Variants in PCBD2 observed in about 807,000 individuals in gnomAD.
PCBD2 encodes pterin-4-alpha-carbinolamine dehydratase 2.
A neutral mutation model predicts 16.4 loss-of-function variants in PCBD2; 12 were observed. That is an observed-to-expected ratio of 0.73 (90% CI 0.47 to 1.19). PCBD2 has a LOEUF of 1.19. PCBD2 is among the 50% of genes most tolerant of loss of function. The pLI, the probability that PCBD2 is intolerant of heterozygous loss-of-function variation, is 0.00. For missense variants in PCBD2, 138 were observed against 156.8 expected, an observed-to-expected ratio of 0.88 and a Z score of 0.64; for synonymous variants, 58 against 61.8, an observed-to-expected ratio of 0.94 and a Z score of 0.29.
At chr5:134,949,502 A>G (rs1393474521) in intron 2 of PCBD2, among the ~76,000 whole-genome samples, 2 of 152,236 alleles carry the variant, frequency 1.3e-5, no homozygotes, top group Non-Finnish European at 2.9e-5. Flanking sequence ...TTCTGAGGTC[A>G]TATAGCTAGT....
rs897572147 is a variant in PCBD2, at chr5:134,910,614, CTTG to C, written c.216+152_216+154del. 7 of 1,070,970 alleles carry C rather than the reference CTTG, an allele frequency of 6.5e-6. No homozygotes were observed. In the African/African-American group the frequency reaches 1.1e-4, roughly 17 times the overall value. The allele number at this position is 1,070,970 out of a possible 1,614,324, so 66.3% of individuals were successfully genotyped here. ...AAGAATTCAGTGATAGAGTGACATC[CTTG>C]TTGACAGTTGCTACCACCCACCTGG... On this transcript the variant is annotated intron_variant, in intron 2 of 3. Transcript: ENST00000254908.
At position 134,960,728 on chromosome 5, in the gene PCBD2, T is replaced by C. The variant is rs982136007; in HGVS notation, c.*47T>C. The C allele has an allele frequency of 1.5e-5, 22 of 1,424,750 alleles. No individual in the cohort carries two copies. Among genetic ancestry groups the C allele is most frequent in the Non-Finnish European group, 2.1e-5 (21 of 1,015,342 alleles). 88.3% of individuals were successfully genotyped at this position (1,424,750 alleles called of 1,614,324 possible). On this transcript the variant is annotated 3_prime_UTR_variant, in exon 4 of 4. Coordinates refer to ENST00000254908, the MANE Select transcript of PCBD2 (RefSeq NM_032151.5). ...AATCTTGTACACATCTTAGCTGCAATGTATGTTGAAGGAAATTTATGTGAA... is the reference window on the plus strand; with the variant it reads ...AATCTTGTACACATCTTAGCTGCAACGTATGTTGAAGGAAATTTATGTGAA...
intron 1 of PCBD2, among the ~76,000 whole-genome samples, chr5:134,909,203 C>G (rs1750734688): frequency 6.6e-6 from 1 of 152,220 alleles, no homozygotes; most frequent in Non-Finnish European, 1.5e-5. Flanking sequence ...CCAGACAGTG[C>G]ACACAAGTGC....
intron 2 of PCBD2, among the ~76,000 whole-genome samples, chr5:134,948,001 A>C (rs113113129): frequency 2.2e-4 from 34 of 152,336 alleles, no homozygotes; most frequent in African/African-American, 8.2e-4. Context: ...GCTGATTGGC[A>C]ATAATGAACA....
At chr5:134,920,664 T>C (rs1750892163) in intron 2 of PCBD2, among the ~76,000 whole-genome samples, 1 of 152,080 alleles carries the variant, frequency 6.6e-6, no homozygotes, top group Non-Finnish European at 1.5e-5. Flanking sequence ...GGAGGCTTTT[T>C]TTTTTTTTTG....
chr5:134,938,315 C>T (rs1751185413), intron 2 of PCBD2, among the ~76,000 whole-genome samples: 1 of 152,226 alleles, frequency 6.6e-6, no homozygotes, highest in African/African-American at 2.4e-5. Context: ...ACTTGCCTCT[C>T]ATGCCTCTTT....
intron 2 of PCBD2, chr5:134,923,581 C>T (rs542445689): frequency 3.3e-5 from 11 of 333,264 alleles, no homozygotes; most frequent in Non-Finnish European, 4.9e-5. Context: ...AGATCTGTTC[C>T]GATGTATGGG....
intron 2 of PCBD2, among the ~76,000 whole-genome samples, chr5:134,955,733 T>C (rs1337679296): frequency 6.6e-6 from 1 of 152,236 alleles, no homozygotes; most frequent in Non-Finnish European, 1.5e-5. Flanking sequence ...CTTGGGTCTC[T>C]TACTGGGTTG....
rs770064476 is a variant in PCBD2 at position 134,959,059 on chromosome 5, G to A, written c.236G>A (p.Arg79Gln). ...ATGCAGGCATTTGGCTTTATGTCCCGAGTTGCCCTACAAGCAGAGAAGATG... is the reference window on the plus strand; with the variant it reads ...ATGCAGGCATTTGGCTTTATGTCCCAAGTTGCCCTACAAGCAGAGAAGATG... ...NFNQAFGFMS[R>Q]VALQAEKMNH... The change falls in exon 3 of 4, where the codon CGA becomes CAA. Residue 79 changes from arginine (R) to glutamine (Q), a missense_variant. Physicochemically the swap from Arg to Gln is conservative, Grantham distance 43 (BLOSUM62 1). Transcript: ENST00000254908. 3 of 1,613,808 alleles carry A rather than the reference G, an allele frequency of 1.9e-6. No homozygotes were observed. The highest frequency in any genetic ancestry group is 3.3e-5 in the Admixed American group (2 of 59,978).
intron 2 of PCBD2, among the ~76,000 whole-genome samples, chr5:134,911,888 C>G (rs1473198124): frequency 6.6e-6 from 1 of 152,230 alleles, no homozygotes; most frequent in Admixed American, 6.5e-5. Context: ...CCCATTGGTA[C>G]AGTAAGCCTG....
chr5:134,930,554 C>T (rs541836581), intron 2 of PCBD2, among the ~76,000 whole-genome samples: 1 of 152,312 alleles, frequency 6.6e-6, no homozygotes, highest in African/African-American at 2.4e-5. Flanking sequence ...CTTCCCAGAA[C>T]AGCAGCATTG....
At position 134,959,714 on chromosome 5, in the gene PCBD2, C is replaced by A. The variant is rs75729520; in HGVS notation, c.297+594C>A. ...GAAAATCTTTGAAAAAAGAGAATTT[C>A]ACAATACTCACGTGACTTAATAGAA... On this transcript the variant is annotated intron_variant, in intron 3 of 3. Coordinates refer to ENST00000254908, the MANE Select transcript of PCBD2 (RefSeq NM_032151.5). 3.4e-3 allele frequency among the ~76,000 whole-genome samples: 512 copies of A among 152,156 alleles called. 8 individuals carry two copies. In the East Asian group the frequency reaches 0.037, roughly 11 times the overall value.
chr5:134,933,209 CA>C (rs1751119332), intron 2 of PCBD2, among the ~76,000 whole-genome samples: 1 of 152,082 alleles, frequency 6.6e-6, no homozygotes, highest in South Asian at 2.1e-4. Context: ...TGAATATTTT[CA>C]CATCAGTAAA....
chr5:134,911,105 T>C (rs34139304), intron 2 of PCBD2, among the ~76,000 whole-genome samples: 3,184 of 152,300 alleles, frequency 0.021, 53 homozygotes, highest in South Asian at 0.033. Context: ...TTTATACTTA[T>C]CAGAAAGGGG....
At chr5:134,948,297 C>T (rs1021134002) in intron 2 of PCBD2, among the ~76,000 whole-genome samples, 1 of 152,160 alleles carries the variant, frequency 6.6e-6, no homozygotes, top group Non-Finnish European at 1.5e-5. Context: ...AGTGTCTCTT[C>T]AGGGAAAAGA....
intron 2 of PCBD2, among the ~76,000 whole-genome samples, chr5:134,919,764 A>T (rs1011124057): frequency 2.0e-5 from 3 of 152,238 alleles, no homozygotes; most frequent in African/African-American, 7.2e-5. Flanking sequence ...ATAATAACTT[A>T]AAAGTATTTT....
At chr5:134,933,178 C>A (rs901049357) in intron 2 of PCBD2, among the ~76,000 whole-genome samples, 4 of 151,890 alleles carry the variant, frequency 2.6e-5, no homozygotes, top group African/African-American at 9.7e-5. Flanking sequence ...TGGTCAGTTG[C>A]TTCTTTCATT....
At chr5:134,930,316 G>C (rs1038965011) in intron 2 of PCBD2, among the ~76,000 whole-genome samples, 2 of 150,708 alleles carry the variant, frequency 1.3e-5, no homozygotes, top group Non-Finnish European at 2.9e-5. Flanking sequence ...CCCATGATTA[G>C]GTTCCCCATG....
At chr5:134,939,302 TGTA>T (rs1228802547) in intron 2 of PCBD2, among the ~76,000 whole-genome samples, 12 of 151,944 alleles carry the variant, frequency 7.9e-5, no homozygotes, top group Non-Finnish European at 1.5e-4. Context: ...CTCATGTTAA[TGTA>T]GTCATTTTTT....
Sources: allele counts gnomAD v4.1 joint callset (sites outside exome capture counted in the v4.1 genomes callset), GRCh38; gene constraint gnomAD v4.1.1; transcripts MANE v1.5; gene names NCBI Gene and HGNC (gene_info 2026-07-23, HGNC 2026-07-21).